The following PPP2R5E variants were observed in gnomAD, a reference collection of about 807,000 sequenced individuals.
PPP2R5E encodes serine/threonine-protein phosphatase 2A 56 kDa regulatory subunit epsilon isoform.
PPP2R5E carries 4 observed loss-of-function variants against 65.3 expected under a neutral mutation model. That is an observed-to-expected ratio of 0.06 (90% CI 0.03 to 0.14). The LOEUF is 0.14. Ranked by LOEUF, PPP2R5E falls within the 10% of genes least tolerant of loss-of-function variation. The probability of loss-of-function intolerance (pLI) is 1.00; values close to 1 mark genes in which losing one functional copy is unlikely to be tolerated. For missense variants in PPP2R5E, 274 were observed against 556.1 expected (o/e 0.49, Z 5.10); for synonymous variants, 183 against 187.4 (o/e 0.98, Z 0.19).
intron 3 of PPP2R5E, among the ~76,000 whole-genome samples, chr14:63,430,381 A>ATACATACATG (rs1887589949): frequency 7.5e-6 from 1 of 132,974 alleles, no homozygotes; most frequent in East Asian, 2.9e-4. Flanking sequence ...ATGCATGCAT[A>ATACATACATG]CATACATACA....
chr14:63,469,688 C>T (rs1258261378), intron 2 of PPP2R5E, among the ~76,000 whole-genome samples: 2 of 151,966 alleles, frequency 1.3e-5, no homozygotes, highest in East Asian at 1.9e-4. Flanking sequence ...AGCAAGACTC[C>T]GTTTCAAAAA....
At chr14:63,506,673 A>G (rs930607785) in intron 2 of PPP2R5E, among the ~76,000 whole-genome samples, 1 of 152,204 alleles carries the variant, frequency 6.6e-6, no homozygotes, top group African/African-American at 2.4e-5. Flanking sequence ...TAGAGAAATT[A>G]AATCCCTCAT....
intron 2 of PPP2R5E, among the ~76,000 whole-genome samples, chr14:63,463,620 G>A (rs1358749776): frequency 1.4e-5 from 2 of 141,952 alleles, no homozygotes; most frequent in South Asian, 2.2e-4. Flanking sequence ...TTTTTGATAC[G>A]GAGTCTAGCT....
At chr14:63,467,222 C>CAAAAAAAAAAAAAAAAA (rs767892639) in intron 2 of PPP2R5E, among the ~76,000 whole-genome samples, 4 of 114,382 alleles carry the variant, frequency 3.5e-5, no homozygotes, top group African/African-American at 4.5e-5. Flanking sequence ...GACTCCGTCT[C>CAAAAAAAAAAAAAAAAA]AAAAAAAACA....
chr14:63,471,664 A>G (rs1890136790), intron 2 of PPP2R5E, among the ~76,000 whole-genome samples: 1 of 152,170 alleles, frequency 6.6e-6, no homozygotes, highest in Non-Finnish European at 1.5e-5. Flanking sequence ...AAATTGGCCC[A>G]AAGATATTTA....
Position 63,450,954 on chromosome 14 carries a change from G to A in PPP2R5E, c.354+2735C>T, listed in dbSNP as rs571283790. 9.2e-5 allele frequency among the ~76,000 whole-genome samples: 14 copies of A among 152,192 alleles called. No homozygotes were observed. In the East Asian group the frequency reaches 2.7e-3, roughly 29 times the overall value. On this transcript the variant is annotated intron_variant, in intron 3 of 13. Coordinates refer to ENST00000337537, the MANE Select transcript of PPP2R5E (RefSeq NM_006246.5). Reference sequence around the variant, plus strand: ...AGAGGTGAGGGAGTGGGGAATACGTGAAAGTCCAGAAACAAGGAAATAAAG... The same window carrying A: ...AGAGGTGAGGGAGTGGGGAATACGTAAAAGTCCAGAAACAAGGAAATAAAG...
chr14:63,395,314 A>AAGGAGGAGAGG, intron 6 of PPP2R5E, 29 bp from the exon 7 acceptor site: 1 of 1,510,828 alleles, frequency 6.6e-7, no homozygotes, highest in Non-Finnish European at 9.2e-7. Flanking sequence ...AGGGAGGAGA[A>AAGGAGGAGAGG]AGGAGGAGAG....
chr14:63,512,941 C>T (rs1278560572), intron 2 of PPP2R5E, among the ~76,000 whole-genome samples: 1 of 151,900 alleles, frequency 6.6e-6, no homozygotes. Context: ...CATCTCATCA[C>T]CTATCACCAA....
intron 2 of PPP2R5E, among the ~76,000 whole-genome samples, chr14:63,517,052 C>T (rs1174712385): frequency 6.6e-6 from 1 of 152,088 alleles, no homozygotes; most frequent in South Asian, 2.1e-4. Flanking sequence ...AAACCCAAGT[C>T]TTATGACTCA....
chr14:63,419,838 G>A (rs1886904563), intron 4 of PPP2R5E, among the ~76,000 whole-genome samples: 1 of 152,300 alleles, frequency 6.6e-6, no homozygotes, highest in East Asian at 1.9e-4. Flanking sequence ...TACCGTTTCT[G>A]CCTTTATATC....
chr14:63,406,300 A>G (rs980524406), intron 5 of PPP2R5E, among the ~76,000 whole-genome samples: 1 of 151,574 alleles, frequency 6.6e-6, no homozygotes, highest in Admixed American at 6.6e-5. Context: ...AGTCCCACCT[A>G]TTCAGGAGAC....
At chr14:63,460,360 C>G (rs1472267309) in intron 2 of PPP2R5E, among the ~76,000 whole-genome samples, 7 of 152,180 alleles carry the variant, frequency 4.6e-5, no homozygotes, top group Non-Finnish European at 8.8e-5. Flanking sequence ...ACTGCCCCAA[C>G]AGTCTTGCTG....
intron 3 of PPP2R5E, among the ~76,000 whole-genome samples, chr14:63,441,363 C>T (rs1888228076): frequency 1.3e-5 from 2 of 152,214 alleles, no homozygotes; most frequent in Non-Finnish European, 2.9e-5. Flanking sequence ...GAGTTCACTA[C>T]CAAAAGCCTT....
rs139000850 is a variant in PPP2R5E at position 63,525,143 on chromosome 14, T to C, written c.157+14386A>G. ...CTTAAATGAGACGCCATGTGGTACA[T>C]TGCCTGGCACACCGAAAAACCAACA... On this transcript the variant is annotated intron_variant, in intron 2 of 13. Transcript: ENST00000337537. 2.3e-3 allele frequency among the ~76,000 whole-genome samples: 349 copies of C among 152,322 alleles called. 1 individual carries two copies. Among genetic ancestry groups the C allele is most frequent in the African/African-American group, 7.9e-3 (330 of 41,578 alleles).
chr14:63,396,827 C>G, intron 5 of PPP2R5E, 111 bp from the exon 6 acceptor site: 1 of 1,337,060 alleles, frequency 7.5e-7, no homozygotes, highest in Non-Finnish European at 1.0e-6. Context: ...TGTTGAATAT[C>G]TATTATGTGC....
intron 5 of PPP2R5E, among the ~76,000 whole-genome samples, chr14:63,398,989 T>C (rs896692158): frequency 1.3e-5 from 2 of 152,222 alleles, no homozygotes; most frequent in Non-Finnish European, 2.9e-5. Context: ...ACAGAGTTAC[T>C]ATATGACTAA....
chr14:63,466,018 CA>C (rs887145167), intron 2 of PPP2R5E, among the ~76,000 whole-genome samples: 1 of 151,720 alleles, frequency 6.6e-6, no homozygotes, highest in Non-Finnish European at 1.5e-5. Context: ...ACAACCCGGC[CA>C]AAAAAACGGC....
chr14:63,379,672 T>A (rs1884201264), intron 13 of PPP2R5E, among the ~76,000 whole-genome samples: 1 of 152,184 alleles, frequency 6.6e-6, no homozygotes, highest in Non-Finnish European at 1.5e-5. Flanking sequence ...AATAGTTTTA[T>A]CTATTCCTGG....
chr14:63,497,487 T>TC (rs1431106040), intron 2 of PPP2R5E, among the ~76,000 whole-genome samples: 1 of 151,822 alleles, frequency 6.6e-6, no homozygotes, highest in African/African-American at 2.4e-5. Context: ...GTGCAGTGGC[T>TC]CCCCCCTGTA....
Sources: allele counts gnomAD v4.1 joint callset (sites outside exome capture counted in the v4.1 genomes callset), GRCh38; gene constraint gnomAD v4.1.1; transcripts MANE v1.5; gene names NCBI Gene and HGNC (gene_info 2026-07-23, HGNC 2026-07-21).